The following RIMS1 variants were observed in gnomAD, a reference collection of about 807,000 sequenced individuals.
RIMS1 encodes the protein regulating synaptic membrane exocytosis protein 1.
Under a neutral mutation model 214.1 loss-of-function variants are expected in RIMS1, and 83 were observed. That is an observed-to-expected ratio of 0.39 (90% CI 0.32 to 0.47). The LOEUF (loss-of-function observed/expected upper bound fraction) is 0.47, where lower values mean the gene tolerates loss of function less well. RIMS1 is among the 20% of genes least tolerant of loss of function. RIMS1 has a pLI of 0.99. For missense variants in RIMS1, 2,050 were observed against 2,161.8 expected (o/e 0.95, Z 1.03); for synonymous variants, 793 against 786.8 (o/e 1.01, Z -0.13).
chr6:72,056,840 T>C (rs1210420159), intron 2 of RIMS1, among the ~76,000 whole-genome samples: 1 of 152,184 alleles, frequency 6.6e-6, no homozygotes, highest in Non-Finnish European at 1.5e-5. Flanking sequence ...ACCTAAACTA[T>C]ATACAGTAGA....
chr6:72,159,961 ATC>A (rs1465799435), intron 4 of RIMS1, among the ~76,000 whole-genome samples: 1 of 139,230 alleles, frequency 7.2e-6, no homozygotes, highest in Admixed American at 7.4e-5. Context: ...ATGGCATTGA[ATC>A]TATAAATTAC....
chr6:71,888,485 C>G (rs1768543535), intron 1 of RIMS1, among the ~76,000 whole-genome samples: 1 of 152,174 alleles, frequency 6.6e-6, no homozygotes, highest in Non-Finnish European at 1.5e-5. Context: ...CATGGCCTCT[C>G]CCCCACCCCC....
chr6:72,258,874 A>G, intron 17 of RIMS1, 112 bp from the exon 18 acceptor site: 1 of 1,021,306 alleles, frequency 9.8e-7, no homozygotes, highest in Admixed American at 1.8e-5. Context: ...TATGATGCAA[A>G]TACTTTTCAG....
At chr6:72,062,677 A>G (rs1828185418) in intron 2 of RIMS1, among the ~76,000 whole-genome samples, 1 of 152,198 alleles carries the variant, frequency 6.6e-6, no homozygotes. Context: ...GCTTATAGCA[A>G]CAGAAATGTA....
intron 2 of RIMS1, among the ~76,000 whole-genome samples, chr6:72,087,723 T>C (rs910905689): frequency 2.0e-5 from 3 of 152,224 alleles, no homozygotes; most frequent in African/African-American, 4.8e-5. Context: ...GATTGTGCTT[T>C]GTTTTCAGGA....
intron 2 of RIMS1, among the ~76,000 whole-genome samples, chr6:71,992,849 T>A (rs1802298669): frequency 6.6e-6 from 1 of 152,048 alleles, no homozygotes; most frequent in African/African-American, 2.4e-5. Context: ...TTTGTAGAGA[T>A]GGGGTTTCAC....
At chr6:72,105,375 G>GCT (rs1451026498) in intron 4 of RIMS1, among the ~76,000 whole-genome samples, 1 of 151,852 alleles carries the variant, frequency 6.6e-6, no homozygotes, top group Non-Finnish European at 1.5e-5. Context: ...ATGCCAAGAT[G>GCT]CTCTCTTTCT....
At chr6:72,051,293 T>A (rs1276790130) in intron 2 of RIMS1, among the ~76,000 whole-genome samples, 4 of 152,178 alleles carry the variant, frequency 2.6e-5, no homozygotes, top group Non-Finnish European at 5.9e-5. Flanking sequence ...ATCTTTGCAA[T>A]AATCTCATTC....
chr6:71,989,309 C>T (rs74358115), intron 2 of RIMS1, among the ~76,000 whole-genome samples: 10,492 of 152,208 alleles, frequency 0.069, 449 homozygotes, highest in Middle Eastern at 0.11. Flanking sequence ...TCATTATAGG[C>T]AGTCATTATT....
chr6:71,973,572 C>T (rs1373182015), intron 2 of RIMS1, among the ~76,000 whole-genome samples: 1 of 152,098 alleles, frequency 6.6e-6, no homozygotes, highest in African/African-American at 2.4e-5. Context: ...TGGCAGATAC[C>T]CCTGTGGCTC....
chr6:72,125,483 A>G (rs1267547825), intron 4 of RIMS1, among the ~76,000 whole-genome samples: 3 of 152,222 alleles, frequency 2.0e-5, no homozygotes, highest in African/African-American at 7.2e-5. Context: ...CTCAGATCTC[A>G]AACTCCATGC....
chr6:72,090,026 G>C (rs1172496741), intron 2 of RIMS1, among the ~76,000 whole-genome samples: 1 of 118,210 alleles, frequency 8.5e-6, no homozygotes, highest in African/African-American at 3.2e-5. Context: ...GTGGTGGGGT[G>C]GGGGGAGGGG....
At chr6:71,992,580 T>TCTTCTCCTTCTCCTCCTCCTTCTC (rs1562051581) in intron 2 of RIMS1, among the ~76,000 whole-genome samples, 1 of 147,324 alleles carries the variant, frequency 6.8e-6, no homozygotes, top group Admixed American at 6.9e-5. Flanking sequence ...TTCTTCTTCC[T>TCTTCTCCTTCTCCTCCTCCTTCTC]CTTCTCCTTC....
chr6:72,370,105 A>G (rs2098168403), intron 29 of RIMS1, among the ~76,000 whole-genome samples: 1 of 152,234 alleles, frequency 6.6e-6, no homozygotes, highest in Non-Finnish European at 1.5e-5. Context: ...TGTTTGCTAC[A>G]CTTTCTCCCT....
chr6:71,969,952 A>G (rs1214975035), intron 2 of RIMS1, among the ~76,000 whole-genome samples: 3 of 152,170 alleles, frequency 2.0e-5, no homozygotes, highest in African/African-American at 7.2e-5. Context: ...GAGTTGACTG[A>G]TTTGATTTCT....
chr6:72,153,710 A>C (rs2044044020), intron 4 of RIMS1, among the ~76,000 whole-genome samples: 1 of 152,158 alleles, frequency 6.6e-6, no homozygotes. Context: ...AACTTTAGAA[A>C]ACATTCAGAG....
At chr6:72,228,937 A>G (rs2061121174) in intron 6 of RIMS1, among the ~76,000 whole-genome samples, 1 of 151,900 alleles carries the variant, frequency 6.6e-6, no homozygotes, top group African/African-American at 2.4e-5. Flanking sequence ...GGTGGTAAAC[A>G]TAGCTGCCAT....
chr6:72,237,788 G>T, intron 8 of RIMS1, 35 bp from the exon 9 acceptor site: 2 of 1,414,616 alleles, frequency 1.4e-6, no homozygotes, highest in South Asian at 2.3e-5. Context: ...GTTTTAGTAT[G>T]AGTCTTGGAA....
At chr6:72,307,969 G>A (rs2095312700) in intron 27 of RIMS1, among the ~76,000 whole-genome samples, 1 of 151,986 alleles carries the variant, frequency 6.6e-6, no homozygotes, top group Non-Finnish European at 1.5e-5. Flanking sequence ...AAATAAGCAA[G>A]ATATATGAAG....
Sources: gnomAD v4.1 joint callset for allele counts (sites outside exome capture counted in the v4.1 genomes callset) on GRCh38, gnomAD v4.1.1 for gene constraint, MANE v1.5 for transcripts, NCBI Gene and HGNC (gene_info 2026-07-23, HGNC 2026-07-21) for gene names.